Variants in MCL1 observed in about 807,000 individuals in gnomAD.
MCL1 encodes the protein induced myeloid leukemia cell differentiation protein Mcl-1.
MCL1 carries 4 observed loss-of-function variants against 24.2 expected under a neutral mutation model. The ratio of observed to expected loss-of-function variants is 0.17; its 90% confidence interval spans 0.08 to 0.38. The LOEUF is 0.38. Among genes scored for constraint, MCL1 ranks in the 10% least tolerant of loss-of-function variants. The pLI, the probability that MCL1 is intolerant of heterozygous loss-of-function variation, is 1.00. For missense variants in MCL1, 529 were observed against 480.3 expected (o/e 1.10, Z -0.95); for synonymous variants, 248 against 214.0 (o/e 1.16, Z -1.39).
rs587767833 is a variant in MCL1, at chr1:150,574,607, G to A, written c.*2768C>T. On this transcript the variant is annotated 3_prime_UTR_variant, in exon 3 of 3. Coordinates refer to ENST00000369026, the MANE Select transcript of MCL1 (RefSeq NM_021960.5). The stretch of plus-strand genomic sequence containing the variant: ...TTCTCAGGAAAAACAGAAAGTTAGG[G>A]AAACACACTACATTTGACAACCAAC... 2.2e-5 allele frequency: 5 copies of A among 231,950 alleles called. No homozygotes were observed. Among genetic ancestry groups the A allele is most frequent in the African/African-American group, 1.1e-4 (5 of 45,164 alleles). 14.4% of individuals were successfully genotyped at this position (231,950 alleles called of 1,614,324 possible).
intron 1 of MCL1, 90 bp downstream of exon 1, chr1:150,578,753 G>A: frequency 7.1e-7 from 1 of 1,398,878 alleles, no homozygotes. Flanking sequence ...ACACTGACTC[G>A]TTTCGGTTTC....
rs990238414 is a variant in MCL1 at position 150,576,011 on chromosome 1, CTGTG to C, written c.*1360_*1363del. 3.4e-5 allele frequency: 8 copies of C among 233,442 alleles called. No individual in the cohort carries two copies. Among genetic ancestry groups the C allele is most frequent in the Admixed American group, 5.6e-5 (1 of 17,780 alleles). The allele number at this position is 233,442 out of a possible 1,614,324, so 14.5% of individuals were successfully genotyped here. A position where few individuals can be genotyped will look rare whatever the true frequency, so the allele number is the denominator to read the frequency against. ...CTTTATTGACATACTAGGCTTAGAC[CTGTG>C]TGTGTAACAAGCAAGCCTAATAATA... On this transcript the variant is annotated 3_prime_UTR_variant, in exon 3 of 3. Coordinates refer to ENST00000369026, the MANE Select transcript of MCL1 (RefSeq NM_021960.5).
rs985143129 is a variant in MCL1 at position 150,579,409 on chromosome 1, T to C, written c.122A>G (p.Glu41Gly). 6 of 1,576,446 alleles carry C rather than the reference T, an allele frequency of 3.8e-6. No individual in the cohort carries two copies. Among genetic ancestry groups the C allele is most frequent in the Non-Finnish European group, 5.1e-6 (6 of 1,165,200 alleles). ...PGGRLLATEK[E>G]ASARREIGGG... Reference sequence around the variant, plus strand: ...CCCTATCTCTCGCCGGGCCGAGGCCTCCTTCTCCGTAGCCAAAAGTCGCCC... The same window carrying C: ...CCCTATCTCTCGCCGGGCCGAGGCCCCCTTCTCCGTAGCCAAAAGTCGCCC... The change falls in exon 1 of 3, where the codon GAG (glutamate) becomes GGG (glycine). Residue 41 changes from glutamate (E) to glycine (G), a missense_variant. Glu to Gly is a moderately conservative substitution (Grantham distance 98). Transcript: ENST00000369026.
At chr1:150,577,832 A>C (rs76955070) in intron 2 of MCL1, among the ~76,000 whole-genome samples, 1,961 of 152,278 alleles carry the variant, frequency 0.013, 48 homozygotes, top group African/African-American at 0.045. Context: ...TGCGCAGATC[A>C]GTTTTTCTCA....
rs1012747207 is a variant in MCL1, at chr1:150,579,481, C to T, written c.50G>A (p.Gly17Glu). The T allele has an allele frequency of 4.4e-6, 7 of 1,596,424 alleles. No homozygotes were observed. The Admixed American group carries it at 6.8e-5, about 15-fold the overall frequency. Residue 17 changes from glycine to glutamate, a missense_variant, in exon 1 of 3, where the codon GGG (glycine) becomes GAG (glutamate). Physicochemically the swap from Gly to Glu is moderately conservative, Grantham distance 98 (BLOSUM62 -2). Transcript: ENST00000369026. ...GCTGCCGGCCCCCAAGCCGGCCCCCCCACAGTAGAGGTTGAGTCCGATTAC... is the reference window on the plus strand; with the variant it reads ...GCTGCCGGCCCCCAAGCCGGCCCCCTCACAGTAGAGGTTGAGTCCGATTAC... ...NAVIGLNLYC[G>E]GAGLGAGSGG...
In MCL1 at chr1:150,578,500, G is replaced by A; in HGVS notation, c.689-9C>T. ...CAGTTTCCGAAGCATGCCTGAGAAA[G>A]AAAAGCATGCAGGTCCTCACGGCCT... On this transcript the variant is annotated splice_polypyrimidine_tract_variant and intron_variant, in intron 1 of 2. Transcript: ENST00000369026. 1 of 1,613,954 alleles carries A rather than the reference G, an allele frequency of 6.2e-7. No individual in the cohort carries two copies. Among genetic ancestry groups the A allele is most frequent in the Non-Finnish European group, 8.5e-7 (1 of 1,179,958 alleles).
In MCL1 at chr1:150,579,453, G is replaced by A. The variant is rs1421751714; in HGVS notation, c.78C>T (p.Gly26=). Residue 26 remains glycine, a synonymous_variant, in exon 1 of 3, where the codon GGC becomes GGT. Transcript: ENST00000369026. ...GTCGCCCTCCCGGGCGGGTGGCGCC[G>A]CCGCTGCCGGCCCCCAAGCCGGCCC... The part of the protein sequence containing the change: ...CGGAGLGAGS[G]GATRPGGRLL... 1.3e-5 allele frequency: 20 copies of A among 1,591,028 alleles called. No individual in the cohort carries two copies. The highest frequency in any genetic ancestry group is 1.6e-5 in the Non-Finnish European group (19 of 1,170,914).
chr1:150,579,083 A>T lies in MCL1; in HGVS notation c.448T>A (p.Ser150Thr), dbSNP rs1169398822. ...VLPLLELVGE[S>T]GNNTSTDGSL... is the part of the protein sequence containing the mutation. ...CCGTCCGTACTGGTGTTATTACCAG[A>T]TTCCCCGACCAACTCCAGCAGCGGC... The change falls in exon 1 of 3, where the codon TCT becomes ACT. Residue 150 changes from serine (S) to threonine (T), a missense_variant. Coordinates refer to ENST00000369026, the MANE Select transcript of MCL1 (RefSeq NM_021960.5). 6.2e-7 allele frequency: 1 copy of T among 1,613,002 alleles called. No individual in the cohort carries two copies. The highest frequency in any genetic ancestry group is 8.5e-7 in the Non-Finnish European group (1 of 1,180,028).
At position 150,575,483 on chromosome 1, in the gene MCL1, A is replaced by T. The variant is rs1289710640; in HGVS notation, c.*1892T>A. 2 of 232,968 alleles carry T rather than the reference A, an allele frequency of 8.6e-6. No individual in the cohort carries two copies. The highest frequency in any genetic ancestry group is 1.7e-5 in the Non-Finnish European group (2 of 117,900). 14.4% of individuals were successfully genotyped at this position (232,968 alleles called of 1,614,324 possible). ...AAGTGAGCATACTCCTATACAAAGG[A>T]AACTTTAGAGAAAGCCTCATAAAAT... On this transcript the variant is annotated 3_prime_UTR_variant, in exon 3 of 3. Coordinates refer to ENST00000369026, the MANE Select transcript of MCL1 (RefSeq NM_021960.5).
chr1:150,576,134 GA>G lies in MCL1; in HGVS notation c.*1240del, dbSNP rs1647788851. The G allele has an allele frequency of 4.3e-6, 1 of 233,314 alleles. No homozygotes were observed. Among genetic ancestry groups the G allele is most frequent in the African/African-American group, 2.2e-5 (1 of 45,322 alleles). The allele number at this position is 233,314 out of a possible 1,614,324, so 14.5% of individuals were successfully genotyped here. On this transcript the variant is annotated 3_prime_UTR_variant, in exon 3 of 3. Transcript: ENST00000369026. Reference sequence around the variant, plus strand: ...AAATGTCTCTCCATCCACCTGATGTGATCTTTTTATATGCACACAGCTAATG... The same window carrying G: ...AAATGTCTCTCCATCCACCTGATGTGTCTTTTTATATGCACACAGCTAATG...
rs1186393634 is a variant in MCL1 at position 150,577,397 on chromosome 1, C to A, written c.1031G>T (p.Gly344Val). The stretch of plus-strand genomic sequence containing the variant: ...AGGCTATCTTATTAGATATGCCAAA[C>A]CAGCTCCTACTCCAGCAACACCTGC... ...AFAGVAGVGAGLAYLIR is the reference protein window; with the variant it reads ...AFAGVAGVGAVLAYLIR Residue 344 changes from glycine to valine, a missense_variant, in exon 3 of 3, where the codon GGT becomes GTT. Physicochemically the swap from Gly to Val is moderately radical, Grantham distance 109. Coordinates refer to ENST00000369026, the MANE Select transcript of MCL1 (RefSeq NM_021960.5). 1 of 1,613,850 alleles carries A rather than the reference C, an allele frequency of 6.2e-7. No homozygotes were observed. Among genetic ancestry groups the A allele is most frequent in the Non-Finnish European group, 8.5e-7 (1 of 1,179,942 alleles).
At position 150,579,596 on chromosome 1, in the gene MCL1, G is replaced by A. The variant is rs1263891395; in HGVS notation, c.-66C>T. ...GACCCCGACTCCTTACTGGAAGGAA[G>A]CGGAAGTGAGAAGTGGCGAGCAGCT... On this transcript the variant is annotated 5_prime_UTR_variant, in exon 1 of 3. Coordinates refer to ENST00000369026, the MANE Select transcript of MCL1 (RefSeq NM_021960.5). The A allele has an allele frequency of 6.7e-7, 1 of 1,502,722 alleles. No homozygotes were observed. The highest frequency in any genetic ancestry group is 9.0e-7 in the Non-Finnish European group (1 of 1,109,400). 93.1% of individuals were successfully genotyped at this position (1,502,722 alleles called of 1,614,324 possible).
In MCL1 at chr1:150,579,333, C is replaced by CG; in HGVS notation, c.197dup (p.Ser67ValfsTer43). The CG allele has an allele frequency of 6.8e-7, 1 of 1,472,258 alleles. No homozygotes were observed. Among genetic ancestry groups the CG allele is most frequent in the South Asian group, 1.4e-5 (1 of 70,202 alleles). 91.2% of individuals were successfully genotyped at this position (1,472,258 alleles called of 1,614,324 possible). On this transcript the variant is annotated frameshift_variant, in exon 1 of 3. Transcript: ENST00000369026. LOFTEE classifies it high-confidence loss of function. ...TCCGGGAGTCTGGCGTGAGGGTGGACGGGGGGCTTGCGCCGGCGCTTCCGC... is the reference window on the plus strand; with the variant it reads ...TCCGGGAGTCTGGCGTGAGGGTGGACGGGGGGGCTTGCGCCGGCGCTTCCGC...
intron 2 of MCL1, 138 bp from the exon 3 acceptor site, chr1:150,577,629 G>T: frequency 1.1e-6 from 1 of 925,554 alleles, no homozygotes; most frequent in Non-Finnish European, 1.5e-6. Context: ...TATTCACCCC[G>T]GGGCAAAAAA....
Position 150,577,390 on chromosome 1 carries a change from T to C in MCL1, c.1038A>G (p.Ala346=), listed in dbSNP as rs781152860. Reference sequence around the variant, plus strand: ...TACAGTAAGGCTATCTTATTAGATATGCCAAACCAGCTCCTACTCCAGCAA... The same window carrying C: ...TACAGTAAGGCTATCTTATTAGATACGCCAAACCAGCTCCTACTCCAGCAA... ...AGVAGVGAGL[A]YLIR The change falls in exon 3 of 3, where the codon GCA becomes GCG. Residue 346 remains alanine (A), a synonymous_variant. Transcript: ENST00000369026. 8 of 1,613,810 alleles carry C rather than the reference T, an allele frequency of 5.0e-6. No homozygotes were observed. Among genetic ancestry groups the C allele is most frequent in the South Asian group, 1.1e-5 (1 of 91,050 alleles).
Position 150,574,984 on chromosome 1 carries a change from A to G in MCL1, c.*2391T>C, listed in dbSNP as rs1019391623. ...TCACTGCCCCAAGCCCAAAATATCA[A>G]CTAAGATCCTTGTCTGTATTTCCAC... On this transcript the variant is annotated 3_prime_UTR_variant, in exon 3 of 3. Transcript: ENST00000369026. 4.3e-6 allele frequency: 1 copy of G among 233,008 alleles called. No individual in the cohort carries two copies. Among genetic ancestry groups the G allele is most frequent in the Non-Finnish European group, 8.5e-6 (1 of 118,000 alleles). The allele number at this position is 233,008 out of a possible 1,614,324, so 14.4% of individuals were successfully genotyped here. A position where few individuals can be genotyped will look rare whatever the true frequency, so the allele number is the denominator to read the frequency against.
At position 150,579,318 on chromosome 1, in the gene MCL1, T is replaced by G; in HGVS notation, c.213A>C (p.Pro71=). The change falls in exon 1 of 3, where the codon CCA becomes CCC. Residue 71 remains proline, a synonymous_variant. Transcript: ENST00000369026. ...AGASPPSTLT[P]DSRRVARPPP... ...GCGGCCGCGCGACCCTCCGGGAGTC[T>G]GGCGTGAGGGTGGACGGGGGGCTTG... 6.8e-7 allele frequency: 1 copy of G among 1,480,170 alleles called. No individual in the cohort carries two copies. The highest frequency in any genetic ancestry group is 1.5e-5 in the African/African-American group (1 of 68,838). The allele number at this position is 1,480,170 out of a possible 1,614,324, so 91.7% of individuals were successfully genotyped here. A position where few individuals can be genotyped will look rare whatever the true frequency, so the allele number is the denominator to read the frequency against.
chr1:150,577,682 A>T (rs1043007429), intron 2 of MCL1, among the ~76,000 whole-genome samples, 191 bp from the exon 3 acceptor site: 1 of 152,218 alleles, frequency 6.6e-6, no homozygotes, highest in Non-Finnish European at 1.5e-5. Flanking sequence ...ACCCATGATA[A>T]TTAAACTTCA....
Position 150,576,206 on chromosome 1 carries a change from G to A in MCL1, c.*1169C>T, listed in dbSNP as rs1235972488. The stretch of plus-strand genomic sequence containing the variant: ...CTTTTAGTAAAAGCTTTAAAGATGA[G>A]CCCATGAATTCACTTTAAATTTCAC... On this transcript the variant is annotated 3_prime_UTR_variant, in exon 3 of 3. Coordinates refer to ENST00000369026, the MANE Select transcript of MCL1 (RefSeq NM_021960.5). 8.6e-6 allele frequency: 2 copies of A among 233,020 alleles called. No individual in the cohort carries two copies. The highest frequency in any genetic ancestry group is 1.8e-4 in the South Asian group (1 of 5,530). The allele number at this position is 233,020 out of a possible 1,614,324, so 14.4% of individuals were successfully genotyped here.
Sources: allele counts gnomAD v4.1 joint callset (sites outside exome capture counted in the v4.1 genomes callset), GRCh38; gene constraint gnomAD v4.1.1; transcripts MANE v1.5; gene names NCBI Gene and HGNC (gene_info 2026-07-23, HGNC 2026-07-21).